Variants in ASXL3 observed in about 807,000 individuals in gnomAD.
The protein encoded by ASXL3 is ASXL transcriptional regulator 3.
Under a neutral mutation model 170.6 loss-of-function variants are expected in ASXL3, and 34 were observed. That is an observed-to-expected ratio of 0.20 (90% CI 0.15 to 0.27). The LOEUF (loss-of-function observed/expected upper bound fraction) is 0.27, where lower values mean the gene tolerates loss of function less well. ASXL3 is among the 10% of genes least tolerant of loss of function. The pLI, the probability that ASXL3 is intolerant of heterozygous loss-of-function variation, is 1.00. For missense variants in ASXL3, 2,592 were observed against 2,695.3 expected (o/e 0.96, Z 0.85); for synonymous variants, 1,002 against 989.1 (o/e 1.01, Z -0.24).
chr18:33,629,617 C>T (rs1204298596), intron 2 of ASXL3, among the ~76,000 whole-genome samples: 3 of 151,984 alleles, frequency 2.0e-5, no homozygotes, highest in Non-Finnish European at 2.9e-5. Context: ...ACCCCGATTA[C>T]ATTTACATAT....
Position 33,670,655 on chromosome 18 carries a change from TTTTA to T in ASXL3, c.478-15_478-12del. On this transcript the variant is annotated splice_polypyrimidine_tract_variant and intron_variant, in intron 5 of 11. Coordinates refer to ENST00000269197, the MANE Select transcript of ASXL3 (RefSeq NM_030632.3). ...TTGGCTATATTTTTATGTTATATCT[TTTTA>T]TTATGTTTTGTAGGCTTTGAGGCAG... 6.7e-7 allele frequency: 1 copy of T among 1,490,714 alleles called. No homozygotes were observed. Among genetic ancestry groups the T allele is most frequent in the Non-Finnish European group, 9.0e-7 (1 of 1,106,334 alleles). 92.3% of individuals were successfully genotyped at this position (1,490,714 alleles called of 1,614,324 possible). A position where few individuals can be genotyped will look rare whatever the true frequency, so the allele number is the denominator to read the frequency against.
At position 33,734,293 on chromosome 18, in the gene ASXL3, T is replaced by G. The variant is rs145846793; in HGVS notation, c.977-17T>G. ...ATGTGACCACATTTATTCAATACAT[T>G]AGCATTTTCTTTTTAGGAGAGTTTA... On this transcript the variant is annotated splice_polypyrimidine_tract_variant and intron_variant, in intron 9 of 11. Coordinates refer to ENST00000269197, the MANE Select transcript of ASXL3 (RefSeq NM_030632.3). 421 of 1,548,994 alleles carry G rather than the reference T, an allele frequency of 2.7e-4. 2 individuals carry two copies. In the African/African-American group the frequency reaches 4.7e-3, roughly 17 times the overall value.
chr18:33,726,037 G>C (rs1023644845), intron 8 of ASXL3, among the ~76,000 whole-genome samples: 1 of 152,116 alleles, frequency 6.6e-6, no homozygotes, highest in Non-Finnish European at 1.5e-5. Context: ...CACTGCAGTA[G>C]GAGTAACATA....
intron 2 of ASXL3, among the ~76,000 whole-genome samples, chr18:33,633,479 T>C (rs945334413): frequency 1.3e-5 from 2 of 152,224 alleles, no homozygotes; most frequent in African/African-American, 4.8e-5. Context: ...TACTTTTTGG[T>C]AATGTCAAAT....
chr18:33,740,581 T>C (rs1289626106), intron 11 of ASXL3, 138 bp downstream of exon 11: 1 of 859,190 alleles, frequency 1.2e-6, no homozygotes, highest in Non-Finnish European at 1.7e-6. Flanking sequence ...TAATAGTAAA[T>C]GATCCTCTTT....
In ASXL3 at chr18:33,738,912, T is replaced by G. The variant is rs747353588; in HGVS notation, c.1508T>G (p.Val503Gly). The change falls in exon 11 of 12, where the codon GTT (valine) becomes GGT (glycine). Residue 503 changes from valine to glycine, a missense_variant. Val to Gly is a moderately radical substitution (Grantham distance 109). Transcript: ENST00000269197. ...CCTGAAGATAACTTGGAATCCTGTG[T>G]TATGATGAATGATGTTTTAGAAACT... is the stretch of plus-strand genomic sequence containing the variant. ...APPEDNLESCVMMNDVLETLP... is the reference protein window; with the variant it reads ...APPEDNLESCGMMNDVLETLP... 34 of 1,613,488 alleles carry G rather than the reference T, an allele frequency of 2.1e-5. No homozygotes were observed. Among genetic ancestry groups the G allele is most frequent in the Admixed American group, 1.7e-5 (1 of 59,912 alleles).
At chr18:33,716,710 C>T (rs1195491633) in intron 8 of ASXL3, among the ~76,000 whole-genome samples, 1 of 152,004 alleles carries the variant, frequency 6.6e-6, no homozygotes, top group Non-Finnish European at 1.5e-5. Context: ...GAACTGTTGG[C>T]TTGTAATTAC....
intron 8 of ASXL3, among the ~76,000 whole-genome samples, chr18:33,720,398 C>T (rs1408528541): frequency 6.6e-6 from 1 of 152,004 alleles, no homozygotes; most frequent in Non-Finnish European, 1.5e-5. Context: ...CTTATTTTAT[C>T]TATACAAGAA....
At chr18:33,733,485 T>C (rs1241888406) in intron 9 of ASXL3, among the ~76,000 whole-genome samples, 1 of 152,198 alleles carries the variant, frequency 6.6e-6, no homozygotes, top group Non-Finnish European at 1.5e-5. Context: ...CTGTTGCTAC[T>C]GGCCCAGCTG....
intron 1 of ASXL3, chr18:33,578,907 T>TCCGGGACCGC (rs2064969677): frequency 1.0e-5 from 2 of 200,778 alleles, no homozygotes; most frequent in South Asian, 3.7e-4. Flanking sequence ...GAGCCCCGCG[T>TCCGGGACCGC]CCGGGACCGC....
chr18:33,652,442 C>T (rs2066013761), intron 4 of ASXL3, among the ~76,000 whole-genome samples: 2 of 151,846 alleles, frequency 1.3e-5, no homozygotes, highest in South Asian at 2.1e-4. Flanking sequence ...AAATCAACAG[C>T]AACCATCCTA....
intron 4 of ASXL3, among the ~76,000 whole-genome samples, chr18:33,659,362 A>G (rs2066135469): frequency 6.6e-6 from 1 of 152,120 alleles, no homozygotes; most frequent in African/African-American, 2.4e-5. Flanking sequence ...TATGGACTGC[A>G]TTTAGTTCTC....
intron 4 of ASXL3, among the ~76,000 whole-genome samples, chr18:33,652,262 A>G (rs1284957754): frequency 6.6e-6 from 1 of 152,080 alleles, no homozygotes; most frequent in Admixed American, 6.6e-5. Flanking sequence ...TTCCTAACAC[A>G]TATTAAGTTG....
At chr18:33,728,530 A>G (rs1056685521) in intron 8 of ASXL3, among the ~76,000 whole-genome samples, 2 of 152,306 alleles carry the variant, frequency 1.3e-5, no homozygotes, top group East Asian at 1.9e-4. Flanking sequence ...TTATATGACT[A>G]TCTTGTCCTC....
Position 33,744,299 on chromosome 18 carries a change from G to T in ASXL3, c.4451G>T (p.Ser1484Ile). 4.3e-6 allele frequency: 7 copies of T among 1,613,986 alleles called. No homozygotes were observed. Among genetic ancestry groups the T allele is most frequent in the Non-Finnish European group, 5.9e-6 (7 of 1,179,888 alleles). The change falls in exon 12 of 12, where the codon AGT becomes ATT. Residue 1484 changes from serine to isoleucine, a missense_variant. Ser to Ile is a moderately radical substitution (Grantham distance 142). This residue lies in a region of ASXL3 where 2,246 missense variants were observed against 2,219.6 expected (regional missense o/e 1.01). Coordinates refer to ENST00000269197, the MANE Select transcript of ASXL3 (RefSeq NM_030632.3). ...GACCACAGCACCACGCTGACCTCCA[G>T]TTTGTCTCTGACTGTCTCCGTTGAA... ...IVDHSTTLTS[S>I]LSLTVSVESS... is the part of the protein sequence containing the mutation.
intron 1 of ASXL3, among the ~76,000 whole-genome samples, chr18:33,585,277 C>T (rs1209772448): frequency 2.6e-5 from 4 of 152,098 alleles, no homozygotes; most frequent in African/African-American, 9.7e-5. Context: ...TTTGCCAGCA[C>T]TGAGTGCCTT....
chr18:33,720,311 G>A (rs767637929), intron 8 of ASXL3, among the ~76,000 whole-genome samples: 1 of 151,770 alleles, frequency 6.6e-6, no homozygotes, highest in African/African-American at 2.4e-5. Flanking sequence ...CTAATAGATA[G>A]TCACTTAAAC....
chr18:33,599,216 T>A (rs555798020), intron 1 of ASXL3, among the ~76,000 whole-genome samples: 1 of 152,242 alleles, frequency 6.6e-6, no homozygotes, highest in South Asian at 2.1e-4. Flanking sequence ...AATTAATTTA[T>A]TTTTGATAGG....
chr18:33,681,270 T>G (rs1396264659), intron 7 of ASXL3, among the ~76,000 whole-genome samples: 1 of 152,160 alleles, frequency 6.6e-6, no homozygotes, highest in African/African-American at 2.4e-5. Flanking sequence ...CTCATGTCTA[T>G]TATTAGTCAC....
Sources: allele counts gnomAD v4.1 joint callset (sites outside exome capture counted in the v4.1 genomes callset), GRCh38; gene constraint gnomAD v4.1.1; regional missense constraint gnomAD v4.1.1; transcripts MANE v1.5; gene names NCBI Gene and HGNC (gene_info 2026-07-23, HGNC 2026-07-21).